STXBP6: variants seen among roughly 807,000 people sequenced by gnomAD.
STXBP6 encodes the protein syntaxin binding protein 6, also known as syntaxin-binding protein 6.
STXBP6 carries 21 observed loss-of-function variants against 26.9 expected under a neutral mutation model. The observed-to-expected ratio is 0.78, with a 90% CI of 0.55 to 1.12. The LOEUF (loss-of-function observed/expected upper bound fraction) is 1.12. Ranked by LOEUF, STXBP6 falls within the 50% of genes most tolerant of loss-of-function variation. The pLI is 0.00. For missense variants in STXBP6, 232 were observed against 257.9 expected, an observed-to-expected ratio of 0.90 and a Z score of 0.69; for synonymous variants, 97 against 92.6, an observed-to-expected ratio of 1.05 and a Z score of -0.27.
At chr14:25,028,837 G>A (rs558199201) in intron 1 of STXBP6, among the ~76,000 whole-genome samples, 1 of 152,214 alleles carries the variant, frequency 6.6e-6, no homozygotes, top group East Asian at 1.9e-4. Flanking sequence ...ATTAACACGA[G>A]CTTGGAAGAA....
Position 24,871,340 on chromosome 14 carries a change from AT to A in STXBP6, c.155-14184del, listed in dbSNP as rs573271438. ...TATCCACTGAATGAACACTATTAAT[AT>A]TGGGTGATAGGTTGTTGGAAGTAGG... On this transcript the variant is annotated intron_variant, in intron 2 of 5. Transcript: ENST00000323944. Among the ~76,000 whole-genome samples, 17 of 152,308 alleles carry A rather than the reference AT, an allele frequency of 1.1e-4. No individual in the cohort carries two copies. The East Asian group carries it at 3.1e-3, about 28-fold the overall frequency.
intron 2 of STXBP6, among the ~76,000 whole-genome samples, chr14:24,921,185 G>A (rs1244029779): frequency 1.3e-5 from 2 of 152,100 alleles, no homozygotes; most frequent in African/African-American, 4.8e-5. Flanking sequence ...AGGATTCAAG[G>A]AAGTATTTGT....
At chr14:24,932,340 A>C (rs1395320090) in intron 2 of STXBP6, among the ~76,000 whole-genome samples, 1 of 152,150 alleles carries the variant, frequency 6.6e-6, no homozygotes, top group African/African-American at 2.4e-5. Context: ...CTGGGATTTA[A>C]AGTTTTTAAA....
chr14:24,817,997 C>A (rs757243946), intron 5 of STXBP6: 4 of 454,562 alleles, frequency 8.8e-6, no homozygotes, highest in Non-Finnish European at 1.8e-5. Context: ...AAGAGGTCAC[C>A]GCAACTCAGC....
intron 2 of STXBP6, among the ~76,000 whole-genome samples, chr14:24,912,776 T>C (rs2071620914): frequency 6.6e-6 from 1 of 152,212 alleles, no homozygotes; most frequent in Non-Finnish European, 1.5e-5. Context: ...TTATAGAACA[T>C]GGACAGAGTA....
At chr14:24,973,560 A>T (rs2073964571) in intron 2 of STXBP6, among the ~76,000 whole-genome samples, 1 of 151,218 alleles carries the variant, frequency 6.6e-6, no homozygotes. Flanking sequence ...TAATTTTTTT[A>T]TTTTTAATAG....
intron 4 of STXBP6, among the ~76,000 whole-genome samples, chr14:24,835,117 C>T (rs1180106270): frequency 6.6e-6 from 1 of 152,076 alleles, no homozygotes; most frequent in Non-Finnish European, 1.5e-5. Flanking sequence ...TAATAGAAGA[C>T]CCTGGGCGGC....
At chr14:25,018,777 G>C (rs1314126944) in intron 1 of STXBP6, among the ~76,000 whole-genome samples, 1 of 152,130 alleles carries the variant, frequency 6.6e-6, no homozygotes, top group Non-Finnish European at 1.5e-5. Context: ...ACCTGCCTAT[G>C]CAATAAGTTC....
chr14:24,979,217 A>G (rs8011948), intron 1 of STXBP6, among the ~76,000 whole-genome samples: 2 of 152,074 alleles, frequency 1.3e-5, no homozygotes, highest in Non-Finnish European at 2.9e-5. Flanking sequence ...CCTCTGATCA[A>G]GTTTTGGCCT....
intron 1 of STXBP6, among the ~76,000 whole-genome samples, chr14:25,026,352 C>T (rs1377810985): frequency 1.3e-5 from 2 of 152,176 alleles, no homozygotes; most frequent in East Asian, 1.9e-4. Flanking sequence ...TACAGGCCCA[C>T]ATCTCTTATC....
intron 1 of STXBP6, among the ~76,000 whole-genome samples, chr14:25,023,305 T>C (rs2075292427): frequency 6.6e-6 from 1 of 151,982 alleles, no homozygotes; most frequent in South Asian, 2.1e-4. Flanking sequence ...TGAGATATTG[T>C]TTGAAAAAAA....
At chr14:25,018,451 T>C (rs918372698) in intron 1 of STXBP6, among the ~76,000 whole-genome samples, 4 of 152,054 alleles carry the variant, frequency 2.6e-5, no homozygotes, top group African/African-American at 4.8e-5. Context: ...CTGAGAGGGG[T>C]AATATAATAA....
chr14:24,905,037 T>C (rs572504914), intron 2 of STXBP6, among the ~76,000 whole-genome samples: 1 of 152,304 alleles, frequency 6.6e-6, no homozygotes, highest in Admixed American at 6.5e-5. Context: ...TTTAATCTCT[T>C]TGTATCTAAG....
chr14:24,844,345 A>G (rs1309296758), intron 4 of STXBP6, among the ~76,000 whole-genome samples: 3 of 152,148 alleles, frequency 2.0e-5, no homozygotes, highest in Admixed American at 6.5e-5. Context: ...GTGAGCTGGT[A>G]TAGCACATTA....
intron 1 of STXBP6, chr14:24,988,020 G>A (rs55995630): frequency 0.011 from 3,398 of 303,436 alleles, 108 homozygotes; most frequent in African/African-American, 0.07. Context: ...CAATGCAGCA[G>A]CTGAGAAGAA....
intron 1 of STXBP6, among the ~76,000 whole-genome samples, chr14:25,043,171 C>G (rs2075670394): frequency 6.6e-6 from 1 of 152,210 alleles, no homozygotes; most frequent in African/African-American, 2.4e-5. Flanking sequence ...GATGACAAGG[C>G]ACTTGCCATG....
chr14:24,892,273 G>T (rs530421941), intron 2 of STXBP6, among the ~76,000 whole-genome samples: 2 of 152,158 alleles, frequency 1.3e-5, no homozygotes, highest in Admixed American at 1.3e-4. Context: ...AGGAAAGTGG[G>T]GGGAAAAGAG....
At chr14:24,970,861 A>G (rs2073887053) in intron 2 of STXBP6, among the ~76,000 whole-genome samples, 1 of 152,214 alleles carries the variant, frequency 6.6e-6, no homozygotes, top group African/African-American at 2.4e-5. Context: ...GCATGTTAAC[A>G]CTTGGTATTG....
chr14:24,820,988 T>C (rs1400024037), intron 4 of STXBP6, among the ~76,000 whole-genome samples: 1 of 152,196 alleles, frequency 6.6e-6, no homozygotes, highest in Non-Finnish European at 1.5e-5. Flanking sequence ...CGCCTGACCG[T>C]TTCTGTCCTC....
Sources: gnomAD v4.1 joint callset for allele counts (sites outside exome capture counted in the v4.1 genomes callset) on GRCh38, gnomAD v4.1.1 for gene constraint, MANE v1.5 for transcripts, NCBI Gene and HGNC (gene_info 2026-07-23, HGNC 2026-07-21) for gene names.